LAMB1: variants seen among roughly 807,000 people sequenced by gnomAD.
LAMB1 encodes laminin subunit beta-1.
A neutral mutation model predicts 222.3 loss-of-function variants in LAMB1; 121 were observed. The observed-to-expected ratio is 0.54, with a 90% CI of 0.47 to 0.63. LAMB1 has a LOEUF of 0.63. Ranked by LOEUF, LAMB1 falls within the 30% of genes least tolerant of loss-of-function variation. The pLI, the probability that LAMB1 is intolerant of heterozygous loss-of-function variation, is 0.00. For synonymous variants in LAMB1, 794 were observed against 807.2 expected (o/e 0.98, Z 0.28); for missense variants, 2,172 against 2,240.8 (o/e 0.97, Z 0.62).
At chr7:107,938,699 C>T (rs2032908332) in intron 25 of LAMB1, among the ~76,000 whole-genome samples, 1 of 152,140 alleles carries the variant, frequency 6.6e-6, no homozygotes, top group South Asian at 2.1e-4. Context: ...AATGGGCTTG[C>T]ATTCGGACCA....
chr7:107,997,131 T>C (rs1277284658), intron 4 of LAMB1, among the ~76,000 whole-genome samples: 1 of 152,194 alleles, frequency 6.6e-6, no homozygotes, highest in Non-Finnish European at 1.5e-5. Context: ...TATTGCAATT[T>C]AACAGTCGAT....
rs114611228 is a variant in LAMB1 at position 107,982,190 on chromosome 7, C to A, written c.677-1379G>T. On this transcript the variant is annotated intron_variant, in intron 7 of 33. Transcript: ENST00000222399. ...ACGAAGAGCCATTCAACCTTCTCCA[C>A]GGGGTTTTCGTGAGTTACTAAGTTC... 1.7e-3 allele frequency among the ~76,000 whole-genome samples: 254 copies of A among 152,318 alleles called. 3 individuals are homozygous for A. The highest frequency in any genetic ancestry group is 6.0e-3 in the African/African-American group (248 of 41,582).
rs1370434147 is a variant in LAMB1 at position 107,986,333 on chromosome 7, G to A, written c.454C>T (p.Arg152Ter). The A allele has an allele frequency of 1.9e-6, 3 of 1,607,478 alleles. No homozygotes were observed. The highest frequency in any genetic ancestry group is 2.2e-5 in the East Asian group (1 of 44,728). The change falls in exon 6 of 34, where the codon CGA becomes TGA. Residue 152 changes from arginine to a stop codon, truncating the protein, a stop_gained. Coordinates refer to ENST00000222399, the MANE Select transcript of LAMB1 (RefSeq NM_002291.3). LOFTEE classifies it high-confidence loss of function. Reference sequence around the variant, plus strand: ...CAGGTTTTCCCAAAGTCGGACGATCGTTCTATCAGCATAGCAGCTGGACGG... The same window carrying A: ...CAGGTTTTCCCAAAGTCGGACGATCATTCTATCAGCATAGCAGCTGGACGG... ...TFRPAAMLIE[R>*]SSDFGKTWGV...
chr7:107,961,534 C>T lies in LAMB1; in HGVS notation c.1985+15G>A, dbSNP rs1358007575. 6.2e-7 allele frequency: 1 copy of T among 1,603,244 alleles called. No homozygotes were observed. The highest frequency in any genetic ancestry group is 8.5e-7 in the Non-Finnish European group (1 of 1,172,112). On this transcript the variant is annotated intron_variant, in intron 16 of 33. Transcript: ENST00000222399. The stretch of plus-strand genomic sequence containing the variant: ...TATGAAGCCCGTTGAGCTGCCAAAC[C>T]ACCGTCACACTGACCTTGAGCCTGG...
intron 14 of LAMB1, 65 bp downstream of exon 14, chr7:107,964,487 G>A (rs2033584052): frequency 6.3e-7 from 1 of 1,588,738 alleles, no homozygotes; most frequent in Non-Finnish European, 8.6e-7. Flanking sequence ...TCTTTACAAA[G>A]CATGTATGTT....
chr7:107,962,908 T>C lies in LAMB1; in HGVS notation c.1854A>G (p.Pro618=). Residue 618 remains proline (P), a synonymous_variant, in exon 15 of 34, where the codon CCA becomes CCG. Transcript: ENST00000222399. ...MEYDILIRYE[P]QLPDHWEKAV... The stretch of plus-strand genomic sequence containing the variant: ...GTCCACTAAGTGGTTTCTTTACCTG[T>C]GGCTCGTAGCGAATTAGGATGTCGT... The C allele has an allele frequency of 6.2e-7, 1 of 1,612,120 alleles. No homozygotes were observed. Among genetic ancestry groups the C allele is most frequent in the East Asian group, 2.2e-5 (1 of 44,848 alleles).
At chr7:107,945,173 C>T (rs1044103778) in intron 24 of LAMB1, among the ~76,000 whole-genome samples, 1 of 152,190 alleles carries the variant, frequency 6.6e-6, no homozygotes, top group African/African-American at 2.4e-5. Flanking sequence ...GGCCAGTAGG[C>T]TTCCTCTATT....
intron 15 of LAMB1, among the ~76,000 whole-genome samples, chr7:107,962,331 T>C (rs530756997): frequency 6.6e-6 from 1 of 152,308 alleles, no homozygotes; most frequent in Admixed American, 6.5e-5. Context: ...AAGGAGAGGA[T>C]CTCATACATC....
Position 107,926,367 on chromosome 7 carries a change from C to T in LAMB1, c.4888-8G>A, listed in dbSNP as rs75573969. 3,978 of 1,609,100 alleles carry T rather than the reference C, an allele frequency of 2.5e-3. 70 individuals carry two copies. In the African/African-American group the frequency reaches 0.042, roughly 17 times the overall value. ...TGCTGTTTCAGACTCAATCTAAAAG[C>T]ATGTCAATTTTCCAGCAAGACATTA... On this transcript the variant is annotated splice_region_variant and splice_polypyrimidine_tract_variant and intron_variant, in intron 31 of 33. Coordinates refer to ENST00000222399, the MANE Select transcript of LAMB1 (RefSeq NM_002291.3).
intron 27 of LAMB1, 57 bp from the exon 28 acceptor site, chr7:107,932,434 A>C: frequency 6.4e-7 from 1 of 1,568,972 alleles, no homozygotes; most frequent in Non-Finnish European, 8.8e-7. Flanking sequence ...GCTGCAGCAA[A>C]ACAGCTGTGC....
chr7:107,969,305 A>T (rs1467072957), intron 13 of LAMB1, among the ~76,000 whole-genome samples: 1 of 151,456 alleles, frequency 6.6e-6, no homozygotes, highest in South Asian at 2.1e-4. Context: ...AAAAAAAAAA[A>T]TCATAAATAT....
Position 107,940,322 on chromosome 7 carries a change from T to C in LAMB1, c.3428A>G (p.Gln1143Arg), listed in dbSNP as rs1205344893. The change falls in exon 25 of 34, where the codon CAG (glutamine) becomes CGG (arginine). Residue 1143 changes from glutamine to arginine, a missense_variant. Physicochemically the swap from Gln to Arg is conservative, Grantham distance 43 (BLOSUM62 1). Coordinates refer to ENST00000222399, the MANE Select transcript of LAMB1 (RefSeq NM_002291.3). ...ACACTGGCCCGTGGACTGGTCACAC[T>C]GTGGCGTCTCAATGCCCCTGGGGTC... is the stretch of plus-strand genomic sequence containing the variant. The part of the protein sequence containing the change: ...DCDPRGIETP[Q>R]CDQSTGQCVC... The C allele has an allele frequency of 6.2e-7, 1 of 1,614,116 alleles. No individual in the cohort carries two copies. The highest frequency in any genetic ancestry group is 1.3e-5 in the African/African-American group (1 of 75,044).
intron 24 of LAMB1, chr7:107,942,035 C>G (rs1203835728): frequency 6.6e-6 from 1 of 151,112 alleles, no homozygotes; most frequent in Non-Finnish European, 1.5e-5. Context: ...CACTCTGTCT[C>G]CCAGGCTGGA....
In LAMB1 at chr7:107,928,959, T is replaced by C; in HGVS notation, c.4887+105A>G. The C allele has an allele frequency of 3.7e-6, 4 of 1,089,546 alleles. No homozygotes were observed. In the South Asian group the frequency reaches 4.1e-5, roughly 11 times the overall value. 67.5% of individuals were successfully genotyped at this position (1,089,546 alleles called of 1,614,324 possible). The stretch of plus-strand genomic sequence containing the variant: ...GTTTAGATTTATTAAAGGAATCCTT[T>C]AATGTTGAGTTGTAAGAATTTCTGT... On this transcript the variant is annotated intron_variant, in intron 31 of 33. Coordinates refer to ENST00000222399, the MANE Select transcript of LAMB1 (RefSeq NM_002291.3).
chr7:107,973,088 G>A lies in LAMB1; in HGVS notation c.1483-17C>T, dbSNP rs1302626931. The A allele has an allele frequency of 3.1e-6, 5 of 1,607,162 alleles. No individual in the cohort carries two copies. Among genetic ancestry groups the A allele is most frequent in the Non-Finnish European group, 4.3e-6 (5 of 1,173,724 alleles). On this transcript the variant is annotated splice_polypyrimidine_tract_variant and intron_variant, in intron 12 of 33. Coordinates refer to ENST00000222399, the MANE Select transcript of LAMB1 (RefSeq NM_002291.3). The stretch of plus-strand genomic sequence containing the variant: ...GTGCTCTGGCTGCAGAACAAAACGT[G>A]AAACATGTAACGGTAGGTTTCTGTA...
In LAMB1 at chr7:107,929,506, C is replaced by T; in HGVS notation, c.4651G>A (p.Val1551Ile). The T allele has an allele frequency of 6.2e-7, 1 of 1,614,140 alleles. No individual in the cohort carries two copies. Among genetic ancestry groups the T allele is most frequent in the Non-Finnish European group, 8.5e-7 (1 of 1,179,994 alleles). Residue 1551 changes from valine (V) to isoleucine (I), a missense_variant, in exon 30 of 34, where the codon GTT becomes ATT. Transcript: ENST00000222399. ...QNLTEDIRERVESLSQVEVIL... is the reference protein window; with the variant it reads ...QNLTEDIRERIESLSQVEVIL... ...ACCTCTACTTGAGAAAGGCTTTCAA[C>T]TCGTTCACGTATATCTTCTGTCAAG... is the stretch of plus-strand genomic sequence containing the variant.
At chr7:107,928,474 A>G (rs2032620605) in intron 31 of LAMB1, among the ~76,000 whole-genome samples, 1 of 151,932 alleles carries the variant, frequency 6.6e-6, no homozygotes, top group Non-Finnish European at 1.5e-5. Context: ...AACAGAGTAT[A>G]TGCTGTTTCC....
intron 13 of LAMB1, among the ~76,000 whole-genome samples, chr7:107,966,348 C>A (rs2033636609): frequency 6.6e-6 from 1 of 151,900 alleles, no homozygotes; most frequent in Non-Finnish European, 1.5e-5. Flanking sequence ...GTAGCTGGGA[C>A]TATAGGCGAC....
intron 24 of LAMB1, among the ~76,000 whole-genome samples, chr7:107,941,397 T>G (rs1001308504): frequency 1.3e-5 from 2 of 152,224 alleles, no homozygotes; most frequent in African/African-American, 2.4e-5. Flanking sequence ...CAGGAATAAA[T>G]AAAGAATATA....
Sources: gnomAD v4.1 joint callset for allele counts (sites outside exome capture counted in the v4.1 genomes callset) on GRCh38, gnomAD v4.1.1 for gene constraint, MANE v1.5 for transcripts, NCBI Gene and HGNC (gene_info 2026-07-23, HGNC 2026-07-21) for gene names.